Variants in DOCK7 observed in about 807,000 individuals in gnomAD.
DOCK7 encodes the protein dedicator of cytokinesis protein 7.
In DOCK7, 138 loss-of-function variants were observed where a neutral mutation model predicts 271.0. The ratio of observed to expected loss-of-function variants is 0.51; its 90% CI spans 0.44 to 0.59. The LOEUF (loss-of-function observed/expected upper bound fraction) is 0.59. Among genes scored for constraint, DOCK7 ranks in the 20% least tolerant of loss-of-function variants. The pLI is 0.00. For synonymous variants in DOCK7, 823 were observed against 876.1 expected (o/e 0.94, Z 1.07); for missense variants, 2,066 against 2,592.4 (o/e 0.80, Z 4.41).
intron 2 of DOCK7, among the ~76,000 whole-genome samples, chr1:62,661,540 C>T (rs555413280): frequency 7.4e-4 from 112 of 151,718 alleles, no homozygotes; most frequent in African/African-American, 2.6e-3. Flanking sequence ...TCTAATTCAG[C>T]GTTTTTTGCC....
At chr1:62,582,985 G>T (rs1200784905) in intron 16 of DOCK7, among the ~76,000 whole-genome samples, 199 bp downstream of exon 16, 1 of 152,220 alleles carries the variant, frequency 6.6e-6, no homozygotes, top group Non-Finnish European at 1.5e-5. Flanking sequence ...CGATAGAAAA[G>T]ATGTTTGGTG....
chr1:62,578,149 AT>A (rs1646993880), intron 17 of DOCK7, among the ~76,000 whole-genome samples: 1 of 152,056 alleles, frequency 6.6e-6, no homozygotes, highest in Non-Finnish European at 1.5e-5. Context: ...ATTTTGAAAA[AT>A]ACTCAAGGGT....
chr1:62,521,630 A>C (rs577319527), intron 31 of DOCK7, among the ~76,000 whole-genome samples: 2 of 152,234 alleles, frequency 1.3e-5, no homozygotes, highest in African/African-American at 4.8e-5. Flanking sequence ...GAATAACTTT[A>C]TAAGTCAAGA....
intron 1 of DOCK7, among the ~76,000 whole-genome samples, chr1:62,684,428 C>T (rs868750548): frequency 6.6e-6 from 1 of 152,170 alleles, no homozygotes; most frequent in Non-Finnish European, 1.5e-5. Context: ...AGCTCACTTA[C>T]ACATGTATTA....
At chr1:62,591,240 A>C (rs1648398668) in intron 14 of DOCK7, among the ~76,000 whole-genome samples, 1 of 152,202 alleles carries the variant, frequency 6.6e-6, no homozygotes, top group African/African-American at 2.4e-5. Context: ...TAGCAAACTA[A>C]TGCAGGAAGA....
At chr1:62,577,178 C>A in intron 18 of DOCK7, 84 bp downstream of exon 18, 1 of 766,672 alleles carries the variant, frequency 1.3e-6, no homozygotes, top group Non-Finnish European at 1.9e-6. Flanking sequence ...GAAGAAATGG[C>A]AAGAGTTTGC....
At chr1:62,571,900 C>T (rs1419113846) in intron 18 of DOCK7, among the ~76,000 whole-genome samples, 5 of 152,086 alleles carry the variant, frequency 3.3e-5, no homozygotes, top group East Asian at 1.9e-4. Context: ...TGGGGCCTGT[C>T]GTTGGGGGGA....
At chr1:62,679,975 T>C (rs895020788) in intron 1 of DOCK7, among the ~76,000 whole-genome samples, 1 of 152,108 alleles carries the variant, frequency 6.6e-6, no homozygotes, top group Non-Finnish European at 1.5e-5. Flanking sequence ...AGGTAATTTA[T>C]AGATTCAATG....
intron 23 of DOCK7, 45 bp from the exon 24 acceptor site, chr1:62,543,790 G>A: frequency 7.1e-7 from 1 of 1,410,950 alleles, no homozygotes; most frequent in Non-Finnish European, 9.9e-7. Context: ...ATTAACGTTT[G>A]CAGTGGATGA....
In DOCK7 at chr1:62,457,673, A is replaced by G; in HGVS notation, c.6245T>C (p.Leu2082Ser). Residue 2082 changes from leucine (L) to serine (S), a missense_variant, in exon 49 of 50, where the codon TTA becomes TCA. Physicochemically the swap from Leu to Ser is moderately radical, Grantham distance 145 (BLOSUM62 -2). This residue lies in a region of DOCK7 where 652 missense variants were observed against 922.1 expected (regional missense o/e 0.71). Transcript: ENST00000635253. ...ATACTCCTTTTGATCCGGCCCAATT[A>G]AGCTCTTATTTTTTCTTAAGGCATC... The part of the protein sequence containing the change: ...CEDALRKNKS[L>S]IGPDQKEYQR... The G allele has an allele frequency of 6.2e-7, 1 of 1,613,736 alleles. No homozygotes were observed. The highest frequency in any genetic ancestry group is 2.2e-5 in the East Asian group (1 of 44,874).
intron 1 of DOCK7, among the ~76,000 whole-genome samples, chr1:62,684,142 G>T (rs918014425): frequency 2.6e-5 from 4 of 152,014 alleles, no homozygotes; most frequent in Admixed American, 2.6e-4. Context: ...CCGGGGCAGT[G>T]GGGTGGAGGT....
intron 43 of DOCK7, 85 bp from the exon 44 acceptor site, chr1:62,477,910 T>C: frequency 7.1e-7 from 1 of 1,404,648 alleles, no homozygotes; most frequent in Non-Finnish European, 9.4e-7. Context: ...TGTTACAGCA[T>C]AAAATTTCCA....
chr1:62,641,261 A>G (rs908822923), intron 7 of DOCK7: 7 of 418,286 alleles, frequency 1.7e-5, no homozygotes, highest in South Asian at 1.0e-4. Context: ...CTTCTTCTCC[A>G]TGGTGGCTGT....
chr1:62,623,090 G>A (rs2149598696), intron 12 of DOCK7, among the ~76,000 whole-genome samples: 1 of 152,190 alleles, frequency 6.6e-6, no homozygotes, highest in Middle Eastern at 3.4e-3. Flanking sequence ...TTTTAAATCT[G>A]TACATAAACA....
intron 43 of DOCK7, chr1:62,485,268 C>T: frequency 1.0e-6 from 1 of 985,336 alleles, no homozygotes; most frequent in Non-Finnish European, 1.2e-6. Context: ...AGCCACATGA[C>T]TCCCGAAAGG....
intron 27 of DOCK7, 47 bp downstream of exon 27, chr1:62,539,498 T>C (rs779926266): frequency 4.2e-5 from 62 of 1,459,744 alleles, no homozygotes; most frequent in Admixed American, 1.9e-4. Flanking sequence ...AGAACTAACA[T>C]AGTATTTAAA....
chr1:62,522,641 A>C (rs1452885287), intron 31 of DOCK7, among the ~76,000 whole-genome samples: 1 of 152,070 alleles, frequency 6.6e-6, no homozygotes, highest in Non-Finnish European at 1.5e-5. Context: ...AAACATCACC[A>C]CTTCTATTCA....
intron 10 of DOCK7, 38 bp downstream of exon 10, chr1:62,633,460 G>T (rs748374023): frequency 1.4e-6 from 2 of 1,453,574 alleles, no homozygotes; most frequent in South Asian, 2.3e-5. Context: ...AGTTACAATA[G>T]TAATAATGTG....
At chr1:62,568,914 C>G (rs79281783) in intron 18 of DOCK7, among the ~76,000 whole-genome samples, 1 of 151,508 alleles carries the variant, frequency 6.6e-6, no homozygotes, top group African/African-American at 2.4e-5. Flanking sequence ...GGGGATACCA[C>G]CACTGACCCC....
Sources: gnomAD v4.1 joint callset for allele counts (sites outside exome capture counted in the v4.1 genomes callset) on GRCh38, gnomAD v4.1.1 for gene constraint, gnomAD v4.1.1 regional missense constraint, MANE v1.5 for transcripts, NCBI Gene and HGNC (gene_info 2026-07-23, HGNC 2026-07-21) for gene names.